Variants in ITGA5 observed in about 807,000 individuals in gnomAD.
ITGA5 encodes the protein integrin subunit alpha 5.
A neutral mutation model predicts 146.3 loss-of-function variants in ITGA5; 55 were observed. The observed-to-expected ratio is 0.38, with a 90% CI of 0.30 to 0.47. The LOEUF is 0.47. Among genes scored for constraint, ITGA5 ranks in the 20% least tolerant of loss-of-function variants. ITGA5 has a pLI of 0.99. For missense variants in ITGA5, 1,131 were observed against 1,329.0 expected (o/e 0.85, Z 2.32); for synonymous variants, 500 against 531.8 (o/e 0.94, Z 0.82).
Position 54,405,227 on chromosome 12 carries a change from CTCA to C in ITGA5, c.1161_1163del (p.Asp387del), listed in dbSNP as rs1360977083. 1.2e-6 allele frequency: 2 copies of C among 1,612,870 alleles called. No homozygotes were observed. The highest frequency in any genetic ancestry group is 1.7e-6 in the Non-Finnish European group (2 of 1,179,184). ...TCAAGGAGCTGCCAAATCGGCCAAACTCATCATGGCCAGTGAGGGTAAGGGTGG... is the reference window on the plus strand; with the variant it reads ...TCAAGGAGCTGCCAAATCGGCCAAACTCATGGCCAGTGAGGGTAAGGGTGG... On this transcript the variant is annotated inframe_deletion, in exon 12 of 30. Transcript: ENST00000293379.
intron 25 of ITGA5, 118 bp from the exon 26 acceptor site, chr12:54,400,065 C>T: frequency 1.4e-6 from 1 of 726,074 alleles, no homozygotes. Context: ...TTGATTCATC[C>T]AACTGTCCAC....
chr12:54,401,206 C>T lies in ITGA5; in HGVS notation c.2493+167G>A, dbSNP rs1474031657. ...TTTCCAAGCCACTCAATTGGCCTGT[C>T]TCTCCTCTGGCTGTTTCTCACAGGA... On this transcript the variant is annotated intron_variant, in intron 24 of 29. Coordinates refer to ENST00000293379, the MANE Select transcript of ITGA5 (RefSeq NM_002205.5). This position sits in a 1 kb window ranked among gnomAD's most constrained non-coding sequence, Gnocchi z 5.0. 6.6e-6 allele frequency among the ~76,000 whole-genome samples: 1 copy of T among 152,222 alleles called. No individual in the cohort carries two copies. Among genetic ancestry groups the T allele is most frequent in the East Asian group, 1.9e-4 (1 of 5,202 alleles).
chr12:54,413,488 C>A (rs1197999530), intron 1 of ITGA5: 1 of 152,228 alleles, frequency 6.6e-6, no homozygotes, highest in Non-Finnish European at 1.5e-5. Flanking sequence ...ATGTTTACTG[C>A]CTGTGGCTTC....
chr12:54,400,343 C>T (rs1365348711), intron 25 of ITGA5: 1 of 207,696 alleles, frequency 4.8e-6, no homozygotes, highest in African/African-American at 2.3e-5. Context: ...CTTATTAACT[C>T]TTCACTTCAT....
In ITGA5 at chr12:54,409,818, A is replaced by T. The variant is rs1955918405; in HGVS notation, c.350-221T>A. On this transcript the variant is annotated intron_variant, in intron 2 of 29. Coordinates refer to ENST00000293379, the MANE Select transcript of ITGA5 (RefSeq NM_002205.5). The surrounding 1 kb of genome is among the most constrained non-coding windows in gnomAD (Gnocchi z 4.7). Reference sequence around the variant, plus strand: ...ACTACACACATACACATACACACACACACATACATACACACGCACGCACAC... The same window carrying T: ...ACTACACACATACACATACACACACTCACATACATACACACGCACGCACAC... The T allele has an allele frequency of 2.0e-6, 1 of 502,914 alleles. No individual in the cohort carries two copies. The allele number at this position is 502,914 out of a possible 1,614,324, so 31.2% of individuals were successfully genotyped here.
At chr12:54,414,210 G>T (rs1955978614) in intron 1 of ITGA5, among the ~76,000 whole-genome samples, 1 of 152,218 alleles carries the variant, frequency 6.6e-6, no homozygotes, top group African/African-American at 2.4e-5. Flanking sequence ...AATAAATAGT[G>T]CCTCCCCTGC....
At chr12:54,405,421 C>T (rs2120516610) in intron 11 of ITGA5, 47 bp from the exon 12 acceptor site, 1 of 1,439,172 alleles carries the variant, frequency 6.9e-7, no homozygotes, top group Non-Finnish European at 9.5e-7. Flanking sequence ...TGTCTTGCCA[C>T]CCCACCCCAA....
rs1441934953 is a variant in ITGA5 at position 54,401,454 on chromosome 12, T to C, written c.2412A>G (p.Leu804=). ...GGGGATGCCAGTCGCTTACTGGGAA[T>C]AGCACTGCCTCAGGCTTGGAGACAC... ...LNGVSKPEAV[L]FPVSDWHPRD... is the part of the protein sequence containing the mutation. Residue 804 remains leucine, a synonymous_variant, in exon 24 of 30, where the codon CTA becomes CTG. Transcript: ENST00000293379. The surrounding 1 kb of genome is among the most constrained non-coding windows in gnomAD (Gnocchi z 5.0). 5 of 1,614,042 alleles carry C rather than the reference T, an allele frequency of 3.1e-6. No homozygotes were observed. The Admixed American group carries it at 5.0e-5, about 16-fold the overall frequency.
Position 54,402,021 on chromosome 12 carries a change from G to T in ITGA5, c.2206C>A (p.Pro736Thr). ...SRLLVCDLGN[P>T]MKAGASLWGG... Reference sequence around the variant, plus strand: ...CTTACACTGGCTCCTGCCTTCATGGGGTTGCCCAGGTCACACACCAGCAGG... The same window carrying T: ...CTTACACTGGCTCCTGCCTTCATGGTGTTGCCCAGGTCACACACCAGCAGG... Residue 736 changes from proline (P) to threonine (T), a missense_variant, in exon 21 of 30, where the codon CCC becomes ACC. Physicochemically the swap from Pro to Thr is conservative, Grantham distance 38. Coordinates refer to ENST00000293379, the MANE Select transcript of ITGA5 (RefSeq NM_002205.5). 1 of 1,614,146 alleles carries T rather than the reference G, an allele frequency of 6.2e-7. No homozygotes were observed. Among genetic ancestry groups the T allele is most frequent in the Non-Finnish European group, 8.5e-7 (1 of 1,180,034 alleles).
At chr12:54,404,087 TG>T (rs1955827404) in intron 15 of ITGA5, 57 bp downstream of exon 15, 1 of 1,562,462 alleles carries the variant, frequency 6.4e-7, no homozygotes, top group South Asian at 1.1e-5. Context: ...AAGGCAGACT[TG>T]GTGCCCCTGC....
chr12:54,396,966 G>C (rs1955718237), intron 29 of ITGA5, among the ~76,000 whole-genome samples: 1 of 152,144 alleles, frequency 6.6e-6, no homozygotes, highest in Non-Finnish European at 1.5e-5. Context: ...GATTACAGGT[G>C]TGAGCCACCA....
chr12:54,404,213 G>T lies in ITGA5; in HGVS notation c.1497C>A (p.Leu499=), dbSNP rs567536197. The T allele has an allele frequency of 2.2e-5, 36 of 1,602,294 alleles. No individual in the cohort carries two copies. The East Asian group carries it at 4.2e-4, about 19-fold the overall frequency. Residue 499 remains leucine (L), a synonymous_variant, in exon 15 of 30, where the codon CTC becomes CTA. Transcript: ENST00000293379. The part of the protein sequence containing the change: ...GRPIVSASAS[L]TIFPAMFNPE... ...GGTTGAACATGGCGGGGAAGATGGT[G>T]AGGGAGGCACTAGCGGACACGATGG...
chr12:54,403,847 C>T lies in ITGA5; in HGVS notation c.1621+64G>A. The T allele has an allele frequency of 6.2e-7, 1 of 1,609,864 alleles. No homozygotes were observed. The highest frequency in any genetic ancestry group is 1.1e-5 in the South Asian group (1 of 91,020). ...CATCTTTTCAGAGAGAAGAAATGTC[C>T]CCAGGTCCCCAGTCCCTTCATTCTC... On this transcript the variant is annotated intron_variant, in intron 16 of 29. Transcript: ENST00000293379. The surrounding 1 kb of genome is among the most constrained non-coding windows in gnomAD (Gnocchi z 4.9).
At position 54,401,690 on chromosome 12, in the gene ITGA5, G is replaced by A. The variant is rs763125901; in HGVS notation, c.2307-25C>T. The A allele has an allele frequency of 4.3e-6, 7 of 1,613,438 alleles. 1 individual carries two copies. Among genetic ancestry groups the A allele is most frequent in the South Asian group, 2.2e-5 (2 of 91,076 alleles). ...GCTGTGGGATGGAGGCAAGACTGAG[G>A]TGCTGGAGTGCAGCCAGTGAGAATG... is the stretch of plus-strand genomic sequence containing the variant. On this transcript the variant is annotated intron_variant, in intron 22 of 29. Coordinates refer to ENST00000293379, the MANE Select transcript of ITGA5 (RefSeq NM_002205.5). This position sits in a 1 kb window ranked among gnomAD's most constrained non-coding sequence, Gnocchi z 5.0.
intron 14 of ITGA5, 52 bp from the exon 15 acceptor site, chr12:54,404,298 G>C: frequency 6.3e-7 from 1 of 1,581,480 alleles, no homozygotes; most frequent in Non-Finnish European, 8.7e-7. Context: ...CTGTAACCTG[G>C]ACACAGGAAA....
chr12:54,409,565 A>G lies in ITGA5; in HGVS notation c.382T>C (p.Ser128Pro), dbSNP rs766834020. The change falls in exon 3 of 30, where the codon TCA (serine) becomes CCA (proline). Residue 128 changes from serine to proline, a missense_variant. This residue lies in a region of ITGA5 where 175 missense variants were observed against 179.3 expected (regional missense o/e 0.98). Transcript: ENST00000293379. This position sits in a 1 kb window ranked among gnomAD's most constrained non-coding sequence, Gnocchi z 4.7. ...SRLLESSLSS[S>P]EGEEPVEYKS... ...TACTCCACAGGCTCCTCTCCCTCTG[A>G]GCTGGACAGTGAGGACTCCAGGAGC... 4 of 1,613,572 alleles carry G rather than the reference A, an allele frequency of 2.5e-6. No homozygotes were observed. The highest frequency in any genetic ancestry group is 3.3e-5 in the Admixed American group (2 of 59,986).
chr12:54,400,208 C>T (rs1565638281), intron 25 of ITGA5: 1 of 479,858 alleles, frequency 2.1e-6, no homozygotes, highest in Non-Finnish European at 3.8e-6. Context: ...CTGGATGTTC[C>T]CTTGGTTTGG....
At position 54,401,816 on chromosome 12, in the gene ITGA5, C is replaced by A. The variant is rs746271167; in HGVS notation, c.2266G>T (p.Asp756Tyr). 4 of 1,614,128 alleles carry A rather than the reference C, an allele frequency of 2.5e-6. No homozygotes were observed. Among genetic ancestry groups the A allele is most frequent in the Non-Finnish European group, 3.4e-6 (4 of 1,180,024 alleles). ...GLRFTVPHLR[D>Y]TKKTIQFDFQ... ...TCAAACTGGATGGTTTTCTTAGTGT[C>A]CCGGAGATGAGGGACTGTAAACCGA... The change falls in exon 22 of 30, where the codon GAC (aspartate) becomes TAC (tyrosine). Residue 756 changes from aspartate (D) to tyrosine (Y), a missense_variant. Coordinates refer to ENST00000293379, the MANE Select transcript of ITGA5 (RefSeq NM_002205.5). The surrounding 1 kb of genome is among the most constrained non-coding windows in gnomAD (Gnocchi z 5.0).
Position 54,409,229 on chromosome 12 carries a change from T to C in ITGA5, c.583+3A>G, listed in dbSNP as rs763446813. The C allele has an allele frequency of 1.9e-6, 3 of 1,609,590 alleles. No homozygotes were observed. The highest frequency in any genetic ancestry group is 1.7e-5 in the Admixed American group (1 of 59,366). On this transcript the variant is annotated splice_donor_region_variant and intron_variant, in intron 4 of 29. Coordinates refer to ENST00000293379, the MANE Select transcript of ITGA5 (RefSeq NM_002205.5). The surrounding 1 kb of genome is among the most constrained non-coding windows in gnomAD (Gnocchi z 4.7). ...TGGGGCACAGGCCCCCTCTTGCCCC[T>C]ACCTGAGCGGCAGGGTGCATACTCC...
Sources: allele counts gnomAD v4.1 joint callset (sites outside exome capture counted in the v4.1 genomes callset), GRCh38; gene constraint gnomAD v4.1.1; regional missense constraint gnomAD v4.1.1; non-coding constraint Gnocchi (gnomAD v3.1); transcripts MANE v1.5; gene names NCBI Gene and HGNC (gene_info 2026-07-23, HGNC 2026-07-21).